The following NPFFR2 variants were observed in gnomAD, a reference collection of about 807,000 sequenced individuals.
NPFFR2 encodes the protein neuropeptide FF receptor 2.
NPFFR2 carries 15 observed loss-of-function variants against 13.1 expected under a neutral mutation model. The ratio of observed to expected loss-of-function variants is 1.15; its 90% CI spans 0.77 to 1.76. The LOEUF (loss-of-function observed/expected upper bound fraction) is 1.76, where lower values mean the gene tolerates loss of function less well. Among genes scored for constraint, NPFFR2 ranks in the 40% most tolerant of loss-of-function variants. NPFFR2 has a pLI of 0.00. For synonymous variants in NPFFR2, 190 were observed against 175.7 expected (o/e 1.08, Z -0.65); for missense variants, 572 against 503.5 (o/e 1.14, Z -1.30).
At chr4:72,137,451 C>T (rs189199492) in intron 2 of NPFFR2, among the ~76,000 whole-genome samples, 1 of 152,186 alleles carries the variant, frequency 6.6e-6, no homozygotes, top group East Asian at 1.9e-4. Flanking sequence ...TTTGTTCATG[C>T]AAAGTGCTCT....
At chr4:72,057,924 A>G (rs543747471) in intron 1 of NPFFR2, among the ~76,000 whole-genome samples, 8 of 152,084 alleles carry the variant, frequency 5.3e-5, no homozygotes, top group Non-Finnish European at 1.2e-4. Context: ...ATGTGAATCT[A>G]ATTCTGAGAA....
At chr4:72,050,646 G>C (rs1444241321) in intron 1 of NPFFR2, among the ~76,000 whole-genome samples, 2 of 151,732 alleles carry the variant, frequency 1.3e-5, no homozygotes, top group Non-Finnish European at 2.9e-5. Flanking sequence ...AAGTTTTAGG[G>C]TACATGTGCA....
At chr4:72,095,841 T>G (rs1323381188) in intron 1 of NPFFR2, among the ~76,000 whole-genome samples, 1 of 152,178 alleles carries the variant, frequency 6.6e-6, no homozygotes, top group Non-Finnish European at 1.5e-5. Flanking sequence ...GCTTAGCTCA[T>G]TCTCTGCTCC....
chr4:72,048,735 T>TTCTTG (rs368014488), intron 1 of NPFFR2, among the ~76,000 whole-genome samples: 5 of 5,150 alleles, frequency 9.7e-4, no homozygotes, highest in Middle Eastern at 0.25. Flanking sequence ...GTGAAATAAC[T>TTCTTG]TATCTTTTTT....
intron 1 of NPFFR2, among the ~76,000 whole-genome samples, chr4:72,090,038 T>C (rs1720873876): frequency 6.6e-6 from 1 of 152,150 alleles, no homozygotes; most frequent in Non-Finnish European, 1.5e-5. Context: ...TTCTTCTACA[T>C]GTGGCTTGCC....
At position 72,147,411 on chromosome 4, in the gene NPFFR2, C is replaced by T. The variant is rs759390562; in HGVS notation, c.862C>T (p.Leu288=). Residue 288 remains leucine (L), a synonymous_variant, in exon 4 of 4, where the codon CTG becomes TTG. Transcript: ENST00000308744. ...GGCCCTGCTTTTTATTCTCTCATGG[C>T]TGCCCCTGTGGACTCTAATGATGCT... ...IVALLFILSW[L]PLWTLMMLSD... 2 of 1,614,134 alleles carry T rather than the reference C, an allele frequency of 1.2e-6. No homozygotes were observed. The highest frequency in any genetic ancestry group is 1.7e-5 in the Admixed American group (1 of 60,012).
rs190156111 is a variant in NPFFR2 at position 72,060,899 on chromosome 4, A to G, written c.-8+28699A>G. On this transcript the variant is annotated intron_variant, in intron 1 of 3. Transcript: ENST00000308744. ...ATTTAAGTAACTTTTTTGCCACTGC[A>G]TGTTAGAGATTACAAATATCACATT... Among the ~76,000 whole-genome samples, 9 of 152,274 alleles carry G rather than the reference A, an allele frequency of 5.9e-5. 1 individual carries two copies. Among genetic ancestry groups the G allele is most frequent in the Admixed American group, 3.9e-4 (6 of 15,278 alleles).
chr4:72,085,333 A>G (rs1044286125), intron 1 of NPFFR2, among the ~76,000 whole-genome samples: 4 of 152,176 alleles, frequency 2.6e-5, no homozygotes, highest in Non-Finnish European at 4.4e-5. Flanking sequence ...TCAGCTGTGA[A>G]GGACAAGGGA....
intron 1 of NPFFR2, among the ~76,000 whole-genome samples, chr4:72,113,010 G>T (rs1184911420): frequency 6.6e-6 from 1 of 152,066 alleles, no homozygotes; most frequent in Non-Finnish European, 1.5e-5. Flanking sequence ...TGCAAGTAAT[G>T]ATTTACCTGG....
intron 1 of NPFFR2, among the ~76,000 whole-genome samples, chr4:72,085,596 C>T (rs1469829851): frequency 1.3e-5 from 2 of 152,078 alleles, no homozygotes; most frequent in African/African-American, 4.8e-5. Flanking sequence ...GGTATTCTAC[C>T]ATTAAATTGT....
At chr4:72,136,883 A>G (rs1722433682) in intron 2 of NPFFR2, among the ~76,000 whole-genome samples, 1 of 152,126 alleles carries the variant, frequency 6.6e-6, no homozygotes, top group Admixed American at 6.6e-5. Context: ...TCAATCTCAC[A>G]TTTAGTAGTA....
intron 1 of NPFFR2, among the ~76,000 whole-genome samples, chr4:72,034,399 C>A (rs1487320318): frequency 1.3e-5 from 2 of 152,118 alleles, no homozygotes; most frequent in Non-Finnish European, 1.5e-5. Flanking sequence ...AAACGCCAAG[C>A]CAAAGGGGGA....
intron 1 of NPFFR2, among the ~76,000 whole-genome samples, chr4:72,037,642 A>G (rs1719078788): frequency 6.6e-6 from 1 of 152,140 alleles, no homozygotes; most frequent in Admixed American, 6.5e-5. Context: ...TCTGTCTGGA[A>G]TTCCTCATCC....
chr4:72,086,088 G>A (rs1720762758), intron 1 of NPFFR2, among the ~76,000 whole-genome samples: 2 of 152,014 alleles, frequency 1.3e-5, no homozygotes, highest in Admixed American at 6.6e-5. Context: ...TTAAATAATG[G>A]ATAGAAGATT....
intron 1 of NPFFR2, among the ~76,000 whole-genome samples, chr4:72,126,238 T>C (rs893345642): frequency 2.3e-4 from 35 of 152,370 alleles, no homozygotes; most frequent in African/African-American, 7.7e-4. Context: ...ATTTTAACTT[T>C]GAAATTAATA....
chr4:72,057,756 A>G (rs958718267), intron 1 of NPFFR2, among the ~76,000 whole-genome samples: 4 of 152,020 alleles, frequency 2.6e-5, no homozygotes, highest in African/African-American at 9.7e-5. Flanking sequence ...ATACTTATTA[A>G]GTGCCAAGGG....
At chr4:72,121,182 G>A (rs1016329601) in intron 1 of NPFFR2, among the ~76,000 whole-genome samples, 21 of 151,900 alleles carry the variant, frequency 1.4e-4, no homozygotes, top group African/African-American at 3.6e-4. Flanking sequence ...GAAATAAAGC[G>A]TGAAGACAAG....
At chr4:72,137,732 C>T (rs1222221260) in intron 2 of NPFFR2, among the ~76,000 whole-genome samples, 2 of 152,070 alleles carry the variant, frequency 1.3e-5, no homozygotes, top group Non-Finnish European at 2.9e-5. Flanking sequence ...TTTGTTACCT[C>T]GTCTATATTG....
intron 1 of NPFFR2, among the ~76,000 whole-genome samples, chr4:72,072,034 G>T (rs917755733): frequency 6.6e-6 from 1 of 152,020 alleles, no homozygotes; most frequent in Non-Finnish European, 1.5e-5. Context: ...GTTTATTCTT[G>T]GCACAGAGAT....
Sources: gnomAD v4.1 joint callset for allele counts (sites outside exome capture counted in the v4.1 genomes callset) on GRCh38, gnomAD v4.1.1 for gene constraint, MANE v1.5 for transcripts, NCBI Gene and HGNC (gene_info 2026-07-23, HGNC 2026-07-21) for gene names.